The following TNFRSF8 variants were observed in gnomAD, a reference collection of about 807,000 sequenced individuals.
TNFRSF8 encodes the protein tumor necrosis factor receptor superfamily member 8.
TNFRSF8 carries 26 observed loss-of-function variants against 70.8 expected under a neutral mutation model. That is an observed-to-expected ratio of 0.37 (90% CI 0.27 to 0.51). TNFRSF8 has a LOEUF of 0.51. Ranked by LOEUF, TNFRSF8 falls within the 20% of genes least tolerant of loss-of-function variation. The pLI is 0.94. For missense variants in TNFRSF8, 720 were observed against 807.9 expected (o/e 0.89, Z 1.32); for synonymous variants, 356 against 339.2 (o/e 1.05, Z -0.54).
At chr1:12,075,159 G>A (rs538353970) in intron 1 of TNFRSF8, among the ~76,000 whole-genome samples, 29 of 151,976 alleles carry the variant, frequency 1.9e-4, no homozygotes, top group Middle Eastern at 3.4e-3. Flanking sequence ...CAGGAGAATC[G>A]CTTGAACCTG....
At chr1:12,084,406 A>G in intron 1 of TNFRSF8, 58 bp from the exon 2 acceptor site, 1 of 1,486,450 alleles carries the variant, frequency 6.7e-7, no homozygotes, top group Non-Finnish European at 9.4e-7. Context: ...TGGTGGGGAC[A>G]GAGGGAGTAT....
At chr1:12,117,933 G>A (rs1641761856) in intron 8 of TNFRSF8, among the ~76,000 whole-genome samples, 1 of 151,898 alleles carries the variant, frequency 6.6e-6, no homozygotes, top group African/African-American at 2.4e-5. Flanking sequence ...CCACTTAGAA[G>A]TGAGAACAGG....
chr1:12,116,478 T>A (rs1017406543), intron 8 of TNFRSF8, among the ~76,000 whole-genome samples: 7 of 152,034 alleles, frequency 4.6e-5, no homozygotes, highest in African/African-American at 1.7e-4. Flanking sequence ...CTCCAGGTGG[T>A]TTAAAACAGA....
chr1:12,105,021 C>T (rs1044079049), intron 4 of TNFRSF8, among the ~76,000 whole-genome samples: 1 of 152,148 alleles, frequency 6.6e-6, no homozygotes, highest in Non-Finnish European at 1.5e-5. Context: ...CTGACTTCTA[C>T]TTCTCTGATA....
chr1:12,134,365 C>T (rs1642107161), intron 12 of TNFRSF8, among the ~76,000 whole-genome samples: 2 of 152,198 alleles, frequency 1.3e-5, no homozygotes, highest in Admixed American at 1.3e-4. Flanking sequence ...GGATGGTCTG[C>T]TCTGGGAACT....
chr1:12,066,744 C>T (rs950456982), intron 1 of TNFRSF8, among the ~76,000 whole-genome samples: 2 of 152,064 alleles, frequency 1.3e-5, no homozygotes, highest in African/African-American at 2.4e-5. Context: ...CCTCTGCCTC[C>T]TGGGTTCAAG....
At chr1:12,106,792 G>A (rs1641531608) in intron 4 of TNFRSF8, among the ~76,000 whole-genome samples, 1 of 151,956 alleles carries the variant, frequency 6.6e-6, no homozygotes, top group Admixed American at 6.6e-5. Flanking sequence ...TGCAACTGTG[G>A]GGCATGTTCC....
chr1:12,084,564 G>T lies in TNFRSF8; in HGVS notation c.151+13G>T. ...CGCTGCCCCATGGGTGAGTGGGGGCGTTGGGGGTGGGGAGAAGGGGGGAAA... is the reference window on the plus strand; with the variant it reads ...CGCTGCCCCATGGGTGAGTGGGGGCTTTGGGGGTGGGGAGAAGGGGGGAAA... On this transcript the variant is annotated intron_variant, in intron 2 of 14. Transcript: ENST00000263932. The T allele has an allele frequency of 1.9e-6, 3 of 1,608,672 alleles. No homozygotes were observed. The highest frequency in any genetic ancestry group is 2.6e-6 in the Non-Finnish European group (3 of 1,175,446).
At chr1:12,135,642 A>G (rs1642132696) in intron 13 of TNFRSF8, 29 bp downstream of exon 13, 1 of 1,613,246 alleles carries the variant, frequency 6.2e-7, no homozygotes, top group Non-Finnish European at 8.5e-7. Flanking sequence ...CCCCCACCTC[A>G]GCTTCGTGCC....
chr1:12,077,485 C>A (rs997166106), intron 1 of TNFRSF8, among the ~76,000 whole-genome samples: 2 of 152,176 alleles, frequency 1.3e-5, no homozygotes, highest in Admixed American at 6.5e-5. Flanking sequence ...AAGCAGGGAA[C>A]AGCCCTTAGT....
intron 8 of TNFRSF8, 98 bp downstream of exon 8, chr1:12,115,827 C>A: frequency 7.3e-7 from 1 of 1,374,006 alleles, no homozygotes; most frequent in Non-Finnish European, 1.0e-6. Flanking sequence ...AGGCAAATGA[C>A]CTACACCCTC....
chr1:12,084,646 A>G, intron 2 of TNFRSF8, 95 bp downstream of exon 2: 1 of 1,167,036 alleles, frequency 8.6e-7, no homozygotes, highest in Non-Finnish European at 1.3e-6. Flanking sequence ...ATTGGAGCCA[A>G]CCGTCATCGT....
chr1:12,125,118 GTGCACA>G (rs1176110754), intron 10 of TNFRSF8, among the ~76,000 whole-genome samples: 5 of 152,338 alleles, frequency 3.3e-5, no homozygotes, highest in African/African-American at 1.2e-4. Flanking sequence ...GGGCACTCAT[GTGCACA>G]TTAACGTTTG....
intron 13 of TNFRSF8, among the ~76,000 whole-genome samples, chr1:12,135,870 C>T (rs1397770494): frequency 6.6e-6 from 1 of 152,212 alleles, no homozygotes; most frequent in Non-Finnish European, 1.5e-5. Flanking sequence ...AGAGCCCCAC[C>T]CTCATAGCAG....
intron 2 of TNFRSF8, among the ~76,000 whole-genome samples, chr1:12,089,176 G>A (rs1641204305): frequency 6.6e-6 from 1 of 152,164 alleles, no homozygotes; most frequent in African/African-American, 2.4e-5. Context: ...AGAGGTCTTG[G>A]CTCTGGGCTC....
Position 12,142,419 on chromosome 1 carries a change from A to T in TNFRSF8, c.1676A>T (p.His559Leu), listed in dbSNP as rs1442697698. The stretch of plus-strand genomic sequence containing the variant: ...GAGCTGGAGGCGGACCATACCCCCC[A>T]CTACCCCGAGCAGGAGACAGAACCG... ...EEELEADHTP[H>L]YPEQETEPPL... Residue 559 changes from histidine to leucine, a missense_variant, in exon 15 of 15, where the codon CAC (histidine) becomes CTC (leucine). Transcript: ENST00000263932. This position sits in a 1 kb window ranked among gnomAD's most constrained non-coding sequence, Gnocchi z 5.0. The T allele has an allele frequency of 1.2e-6, 2 of 1,612,482 alleles. No homozygotes were observed. The highest frequency in any genetic ancestry group is 1.7e-6 in the Non-Finnish European group (2 of 1,179,476).
At chr1:12,120,226 C>T (rs1464291331) in intron 8 of TNFRSF8, among the ~76,000 whole-genome samples, 1 of 152,092 alleles carries the variant, frequency 6.6e-6, no homozygotes, top group African/African-American at 2.4e-5. Context: ...CAACAGGAAG[C>T]CATGGAATCT....
In TNFRSF8 at chr1:12,142,680, G is replaced by GACCACCAGACCCCTGCA; in HGVS notation, c.*149_*150insACCACCAGACCCCTGCA. 2.8e-6 allele frequency: 3 copies of GACCACCAGACCCCTGCA among 1,079,466 alleles called. No homozygotes were observed. Among genetic ancestry groups the GACCACCAGACCCCTGCA allele is most frequent in the Non-Finnish European group, 3.9e-6 (3 of 773,422 alleles). 66.9% of individuals were successfully genotyped at this position (1,079,466 alleles called of 1,614,324 possible). A position where few individuals can be genotyped will look rare whatever the true frequency, so the allele number is the denominator to read the frequency against. On this transcript the variant is annotated 3_prime_UTR_variant, in exon 15 of 15. Transcript: ENST00000263932. This position sits in a 1 kb window ranked among gnomAD's most constrained non-coding sequence, Gnocchi z 5.0. ...TGGTGGACCGGCCGGTCACTGCAGG[G>GACCACCAGACCCCTGCA]GTCTGGTGGTCTCTGCTTGCATCCC... is the stretch of plus-strand genomic sequence containing the variant.
At chr1:12,079,332 C>G (rs940519401) in intron 1 of TNFRSF8, among the ~76,000 whole-genome samples, 2 of 152,202 alleles carry the variant, frequency 1.3e-5, no homozygotes, top group African/African-American at 2.4e-5. Flanking sequence ...TTGTGGACAC[C>G]TCACTTTGCC....
Sources: allele counts gnomAD v4.1 joint callset (sites outside exome capture counted in the v4.1 genomes callset), GRCh38; gene constraint gnomAD v4.1.1; non-coding constraint Gnocchi (gnomAD v3.1); transcripts MANE v1.5; gene names NCBI Gene and HGNC (gene_info 2026-07-23, HGNC 2026-07-21).